Variants in OXNAD1 observed in about 807,000 individuals in gnomAD.
The protein encoded by OXNAD1 is oxidoreductase NAD-binding domain-containing protein 1.
In OXNAD1, 34 loss-of-function variants were observed where a neutral mutation model predicts 32.9. That is an observed-to-expected ratio of 1.03 (90% CI 0.79 to 1.38). The LOEUF (loss-of-function observed/expected upper bound fraction) is 1.38. Among genes scored for constraint, OXNAD1 ranks in the 40% most tolerant of loss-of-function variants. The pLI is 0.00. For synonymous variants in OXNAD1, 134 were observed against 135.2 expected, an observed-to-expected ratio of 0.99 and a Z score of 0.06; for missense variants, 407 against 379.4, an observed-to-expected ratio of 1.07 and a Z score of -0.60.
chr3:16,266,954 GTATAC>G (rs2064563353), intron 1 of OXNAD1, among the ~76,000 whole-genome samples: 1 of 152,260 alleles, frequency 6.6e-6, no homozygotes, highest in Non-Finnish European at 1.5e-5. Context: ...AATACTCTGT[GTATAC>G]TACTTGTTTA....
chr3:16,326,698 G>A (rs2069729984), intron 9 of OXNAD1: 1 of 1,072,422 alleles, frequency 9.3e-7, no homozygotes, highest in African/African-American at 1.6e-5. Context: ...TTATAGACGT[G>A]AGGTGCTCAT....
chr3:16,324,197 G>A (rs2069415942), intron 9 of OXNAD1, among the ~76,000 whole-genome samples: 1 of 152,078 alleles, frequency 6.6e-6, no homozygotes, highest in East Asian at 1.9e-4. Flanking sequence ...GGTAGAGTGT[G>A]ATGTTTTGAT....
At chr3:16,331,618 C>T (rs909491865) in intron 9 of OXNAD1, among the ~76,000 whole-genome samples, 11 of 152,274 alleles carry the variant, frequency 7.2e-5, no homozygotes, top group East Asian at 1.9e-4. Flanking sequence ...TAATGCTCAT[C>T]GATAAATATT....
At position 16,334,706 on chromosome 3, in the gene OXNAD1, TAGAC is replaced by T. The variant is rs1410515043; in HGVS notation, c.*31-2402_*31-2399del. On this transcript the variant is annotated intron_variant, in intron 9 of 9. Coordinates refer to the OXNAD1 transcript ENST00000435829. The surrounding 1 kb of genome is among the most constrained non-coding windows in gnomAD (Gnocchi z 4.3). ...GGCAACTAAATGAAACAGCCTGTGGTAGACAGAATAATGGCCCCAAAGATGTCTA... is the reference window on the plus strand; with the variant it reads ...GGCAACTAAATGAAACAGCCTGTGGTAGAATAATGGCCCCAAAGATGTCTA... Among the ~76,000 whole-genome samples the T allele has an allele frequency of 6.6e-6, 1 of 152,192 alleles. No homozygotes were observed. Among genetic ancestry groups the T allele is most frequent in the Admixed American group, 6.5e-5 (1 of 15,276 alleles).
At position 16,316,529 on chromosome 3, in the gene OXNAD1, C is replaced by T. The variant is rs1443456616; in HGVS notation, c.*30+12937C>T. ...GAGGACAGGCACTGGATGGTCCAGACCCTCTGGCTGGAGGAGTGGTGGAGC... is the reference window on the plus strand; with the variant it reads ...GAGGACAGGCACTGGATGGTCCAGATCCTCTGGCTGGAGGAGTGGTGGAGC... On this transcript the variant is annotated intron_variant, in intron 9 of 9. Transcript: ENST00000435829. The surrounding 1 kb of genome is among the most constrained non-coding windows in gnomAD (Gnocchi z 4.5). 1.1e-5 allele frequency: 5 copies of T among 439,282 alleles called. No homozygotes were observed. Among genetic ancestry groups the T allele is most frequent in the African/African-American group, 2.0e-5 (1 of 49,878 alleles). 27.2% of individuals were successfully genotyped at this position (439,282 alleles called of 1,614,324 possible).
rs540874591 is a variant in OXNAD1, at chr3:16,271,560, T to C, written c.120-99T>C. 9.8e-7 allele frequency: 1 copy of C among 1,017,296 alleles called. No homozygotes were observed. The highest frequency in any genetic ancestry group is 2.8e-5 in the East Asian group (1 of 35,780). The allele number at this position is 1,017,296 out of a possible 1,614,324, so 63.0% of individuals were successfully genotyped here. On this transcript the variant is annotated intron_variant, in intron 3 of 8. Coordinates refer to ENST00000285083, the MANE Select transcript of OXNAD1 (RefSeq NM_138381.5). The surrounding 1 kb of genome is among the most constrained non-coding windows in gnomAD (Gnocchi z 4.6). The stretch of plus-strand genomic sequence containing the variant: ...GGCCATTTTATAGGATCTGTAATGT[T>C]ACACTGTATTTAGGATAACCATGAT...
At position 16,277,408 on chromosome 3, in the gene OXNAD1, G is replaced by A. The variant is rs11925571; in HGVS notation, c.183+5686G>A. On this transcript the variant is annotated intron_variant, in intron 4 of 8. Coordinates refer to ENST00000285083, the MANE Select transcript of OXNAD1 (RefSeq NM_138381.5). This position sits in a 1 kb window ranked among gnomAD's most constrained non-coding sequence, Gnocchi z 4.3. ...AGAGTAGGGGCTGGACCCTGGACTC[G>A]TTGAAATGAATGGCACCTCAGGTTT... is the stretch of plus-strand genomic sequence containing the variant. 0.16 allele frequency among the ~76,000 whole-genome samples: 24,385 copies of A among 152,136 alleles called. 2,064 individuals are homozygous for A. Among genetic ancestry groups the A allele is most frequent in the African/African-American group, 0.21 (8,756 of 41,470 alleles).
At chr3:16,351,957 T>C (rs73142402), downstream of OXNAD1, among the ~76,000 whole-genome samples, 615 of 152,338 alleles carry the variant, frequency 4.0e-3, 6 homozygotes, top group African/African-American at 0.014. The surrounding 1 kb of genome is among the most constrained non-coding windows in gnomAD (Gnocchi z 5.4). Flanking sequence ...CTGGGCATTG[T>C]AGCCAGCACA....
Position 16,301,986 on chromosome 3 carries a change from T to G in OXNAD1, c.675+118T>G. 1.5e-6 allele frequency: 2 copies of G among 1,328,354 alleles called. No homozygotes were observed. The highest frequency in any genetic ancestry group is 2.0e-6 in the Non-Finnish European group (2 of 978,914). 82.3% of individuals were successfully genotyped at this position (1,328,354 alleles called of 1,614,324 possible). ...GGTTCAAACAAAAGGCTTGGCAAGA[T>G]TTAATCATGCTTAAATGAGAACTAA... On this transcript the variant is annotated intron_variant, in intron 7 of 8. Transcript: ENST00000285083. This position sits in a 1 kb window ranked among gnomAD's most constrained non-coding sequence, Gnocchi z 4.1.
Position 16,334,717 on chromosome 3 carries a change from A to T in OXNAD1, c.*31-2395A>T, listed in dbSNP as rs1370572150. Among the ~76,000 whole-genome samples, 1 of 152,216 alleles carries T rather than the reference A, an allele frequency of 6.6e-6. No homozygotes were observed. Among genetic ancestry groups the T allele is most frequent in the Non-Finnish European group, 1.5e-5 (1 of 68,024 alleles). On this transcript the variant is annotated intron_variant, in intron 9 of 9. Coordinates refer to the OXNAD1 transcript ENST00000435829. The surrounding 1 kb of genome is among the most constrained non-coding windows in gnomAD (Gnocchi z 4.3). ...GAAACAGCCTGTGGTAGACAGAATA[A>T]TGGCCCCAAAGATGTCTACAGCCTA...
Position 16,301,676 on chromosome 3 carries a change from T to G in OXNAD1, c.483T>G (p.Phe161Leu), listed in dbSNP as rs766431675. The change falls in exon 7 of 9, where the codon TTT (phenylalanine) becomes TTG (leucine). Residue 161 changes from phenylalanine to leucine, a missense_variant. Coordinates refer to ENST00000285083, the MANE Select transcript of OXNAD1 (RefSeq NM_138381.5). The surrounding 1 kb of genome is among the most constrained non-coding windows in gnomAD (Gnocchi z 4.1). ...VAVRVGGEFF[F>L]DPQPADASRN... is the part of the protein sequence containing the mutation. ...TGAGAGTGGGTGGAGAGTTCTTCTTTGACCCTCAGCCTGCGGATGCCTCTA... is the reference window on the plus strand; with the variant it reads ...TGAGAGTGGGTGGAGAGTTCTTCTTGGACCCTCAGCCTGCGGATGCCTCTA... The G allele has an allele frequency of 3.7e-6, 6 of 1,613,950 alleles. No homozygotes were observed. The highest frequency in any genetic ancestry group is 1.7e-4 in the Middle Eastern group (1 of 6,058).
Position 16,317,258 on chromosome 3 carries a change from A to C in OXNAD1, c.*30+13666A>C, listed in dbSNP as rs749815032. On this transcript the variant is annotated intron_variant, in intron 9 of 9. Coordinates refer to the OXNAD1 transcript ENST00000435829. This position sits in a 1 kb window ranked among gnomAD's most constrained non-coding sequence, Gnocchi z 4.3. ...CTAGAAATCAGAAAGGATGGGGATA[A>C]ATAACAAGCCTCCGGGAACCCAGAG... 1 of 1,606,904 alleles carries C rather than the reference A, an allele frequency of 6.2e-7. No homozygotes were observed. Among genetic ancestry groups the C allele is most frequent in the Non-Finnish European group, 8.5e-7 (1 of 1,179,462 alleles).
At chr3:16,285,597 C>T (rs1054295042) in intron 4 of OXNAD1, among the ~76,000 whole-genome samples, 2 of 152,178 alleles carry the variant, frequency 1.3e-5, no homozygotes, top group South Asian at 2.1e-4. Context: ...CACATACCTG[C>T]ATAGCTCCCG....
In OXNAD1 at chr3:16,345,264, T is replaced by TTTGTGTGTGTGTGTGTGTG. The variant is rs1491581919; in HGVS notation, c.*31-3911_*31-3910insTGTGTGTGTGTGTGTGTGT. On this transcript the variant is annotated intron_variant, in intron 9 of 9. Transcript: ENST00000606098. The surrounding 1 kb of genome is among the most constrained non-coding windows in gnomAD (Gnocchi z 5.2). ...AAACTGTAAGATAATAAGTAGGTGG[T>TTTGTGTGTGTGTGTGTGTG]TGTGTGTGTGTGTGTGTGTGTGTGT... 29 of 145,926 alleles carry TTTGTGTGTGTGTGTGTGTG rather than the reference T, an allele frequency of 2.0e-4. No individual in the cohort carries two copies. Among genetic ancestry groups the TTTGTGTGTGTGTGTGTGTG allele is most frequent in the African/African-American group, 7.7e-4 (29 of 37,848 alleles). The allele number at this position is 145,926 out of a possible 1,614,324, so 9.0% of individuals were successfully genotyped here.
chr3:16,313,601 ATCT>A (rs971307116), intron 9 of OXNAD1: 2 of 152,170 alleles, frequency 1.3e-5, no homozygotes, highest in Admixed American at 1.3e-4. Context: ...CTTTATTCAC[ATCT>A]TATTAATCCT....
rs1249006080 is a variant in OXNAD1, at chr3:16,303,621, CTTTGTGGCATGATTAATTTTT to C, written c.*63_*83del. On this transcript the variant is annotated 3_prime_UTR_variant, in exon 9 of 9. Transcript: ENST00000285083. This position sits in a 1 kb window ranked among gnomAD's most constrained non-coding sequence, Gnocchi z 4.8. ...AGATCTACTCAGGAGAGCTCCTGTC[CTTTGTGGCATGATTAATTTTT>C]TTTATCTCTACTTGAGTTGTCTTAT... is the stretch of plus-strand genomic sequence containing the variant. 6 of 1,527,808 alleles carry C rather than the reference CTTTGTGGCATGATTAATTTTT, an allele frequency of 3.9e-6. No individual in the cohort carries two copies. The highest frequency in any genetic ancestry group is 2.8e-5 in the African/African-American group (2 of 70,840). The allele number at this position is 1,527,808 out of a possible 1,614,324, so 94.6% of individuals were successfully genotyped here.
At chr3:16,267,554 G>A (rs995691157) in intron 1 of OXNAD1, among the ~76,000 whole-genome samples, 1 of 152,084 alleles carries the variant, frequency 6.6e-6, no homozygotes, top group Non-Finnish European at 1.5e-5. Context: ...TTCTGCCAGA[G>A]TTGTCTGCCT....
intron 9 of OXNAD1, among the ~76,000 whole-genome samples, chr3:16,333,904 G>T (rs867657627): frequency 1.3e-5 from 2 of 152,214 alleles, no homozygotes; most frequent in Non-Finnish European, 2.9e-5. Context: ...GGTGGCTCAC[G>T]CCTGTAATCC....
intron 4 of OXNAD1, among the ~76,000 whole-genome samples, chr3:16,282,547 C>T (rs538532801): frequency 6.6e-6 from 1 of 152,128 alleles, no homozygotes; most frequent in South Asian, 2.1e-4. Context: ...GTCAGAAAGG[C>T]AAAAACATTA....
Sources: allele counts gnomAD v4.1 joint callset (sites outside exome capture counted in the v4.1 genomes callset), GRCh38; gene constraint gnomAD v4.1.1; non-coding constraint Gnocchi (gnomAD v3.1); transcripts MANE v1.5; gene names NCBI Gene and HGNC (gene_info 2026-07-23, HGNC 2026-07-21).